PLPP4: variants seen among roughly 807,000 people sequenced by gnomAD.
PLPP4 encodes phospholipid phosphatase 4.
Under a neutral mutation model 32.2 loss-of-function variants are expected in PLPP4, and 20 were observed. The ratio of observed to expected loss-of-function variants is 0.62; its 90% CI spans 0.44 to 0.90. The LOEUF (loss-of-function observed/expected upper bound fraction) is 0.90. Among genes scored for constraint, PLPP4 ranks in the 40% least tolerant of loss-of-function variants. The probability of loss-of-function intolerance (pLI) is 0.00; values close to 1 mark genes in which losing one functional copy is unlikely to be tolerated. For missense variants in PLPP4, 257 were observed against 353.1 expected, an observed-to-expected ratio of 0.73 and a Z score of 2.18; for synonymous variants, 127 against 133.0, an observed-to-expected ratio of 0.95 and a Z score of 0.31.
intron 5 of PLPP4, among the ~76,000 whole-genome samples, chr10:120,538,052 C>CTCTCTCTGTGTG (rs1847142984): frequency 5.3e-5 from 1 of 18,994 alleles, no homozygotes; most frequent in Non-Finnish European, 9.5e-5. Flanking sequence ...CTCTCTCTCT[C>CTCTCTCTGTGTG]TGTGTGTGTG....
rs1014839863 is a variant in PLPP4 at position 120,591,823 on chromosome 10, T to C, written c.*2321T>C. 5.3e-5 allele frequency among the ~76,000 whole-genome samples: 8 copies of C among 152,210 alleles called. No homozygotes were observed. Among genetic ancestry groups the C allele is most frequent in the African/African-American group, 4.8e-5 (2 of 41,454 alleles). ...AGTAACAACAGAGTATTACTAATGC[T>C]GATAATTACATGGAAAATCCTAATA... On this transcript the variant is annotated 3_prime_UTR_variant, in exon 7 of 7. Transcript: ENST00000398250.
At chr10:120,514,966 A>G (rs1279972597) in intron 3 of PLPP4, among the ~76,000 whole-genome samples, 1 of 152,138 alleles carries the variant, frequency 6.6e-6, no homozygotes, top group Non-Finnish European at 1.5e-5. Flanking sequence ...GGAAATGAAA[A>G]TGTAGCAAAA....
In PLPP4 at chr10:120,590,460, G is replaced by A. The variant is rs932420220; in HGVS notation, c.*958G>A. Among the ~76,000 whole-genome samples the A allele has an allele frequency of 1.3e-5, 2 of 152,228 alleles. No individual in the cohort carries two copies. The highest frequency in any genetic ancestry group is 1.3e-4 in the Admixed American group (2 of 15,288). Reference sequence around the variant, plus strand: ...GAGCTCTGCTCTAAGGATTCTCCAAGTGGTGGTGTGTTCCTGTTCCTATCT... The same window carrying A: ...GAGCTCTGCTCTAAGGATTCTCCAAATGGTGGTGTGTTCCTGTTCCTATCT... On this transcript the variant is annotated 3_prime_UTR_variant, in exon 7 of 7. Transcript: ENST00000398250.
chr10:120,494,723 T>A (rs1404419060), intron 1 of PLPP4, among the ~76,000 whole-genome samples: 1 of 152,204 alleles, frequency 6.6e-6, no homozygotes, highest in Non-Finnish European at 1.5e-5. Context: ...CTTTGGATGA[T>A]AGGTACAAGA....
chr10:120,583,449 T>G (rs1355683056), intron 6 of PLPP4, among the ~76,000 whole-genome samples: 1 of 152,096 alleles, frequency 6.6e-6, no homozygotes, highest in East Asian at 1.9e-4. Flanking sequence ...AAAGAACAGC[T>G]TTCTTTATAA....
chr10:120,569,070 C>T (rs531282004), intron 5 of PLPP4, among the ~76,000 whole-genome samples: 29 of 152,218 alleles, frequency 1.9e-4, no homozygotes, highest in Non-Finnish European at 3.2e-4. Flanking sequence ...GAAACCCCAA[C>T]TCTGCCAAAA....
At chr10:120,472,574 A>G (rs1848565280) in intron 1 of PLPP4, among the ~76,000 whole-genome samples, 1 of 151,726 alleles carries the variant, frequency 6.6e-6, no homozygotes, top group Non-Finnish European at 1.5e-5. Flanking sequence ...TCTCATTAGT[A>G]TTTTTCCCAT....
chr10:120,540,036 T>C (rs2133958885), intron 5 of PLPP4, among the ~76,000 whole-genome samples: 1 of 151,170 alleles, frequency 6.6e-6, no homozygotes, highest in East Asian at 1.9e-4. Flanking sequence ...TGCCCTTTAC[T>C]AATATGGTCT....
At chr10:120,560,528 G>A (rs1460607279) in intron 5 of PLPP4, among the ~76,000 whole-genome samples, 2 of 152,176 alleles carry the variant, frequency 1.3e-5, no homozygotes, top group Non-Finnish European at 2.9e-5. Context: ...GCCGAGGCAG[G>A]CACATCACCT....
At chr10:120,513,068 A>T (rs550768151) in intron 2 of PLPP4, among the ~76,000 whole-genome samples, 2 of 152,332 alleles carry the variant, frequency 1.3e-5, no homozygotes, top group African/African-American at 4.8e-5. Flanking sequence ...GCAACAAAAA[A>T]TGCCTTTTAT....
Position 120,457,361 on chromosome 10 carries a change from T to A in PLPP4, c.56T>A (p.Val19Asp), listed in dbSNP as rs1847831749. 2.0e-6 allele frequency: 3 copies of A among 1,531,552 alleles called. No individual in the cohort carries two copies. The highest frequency in any genetic ancestry group is 2.6e-6 in the Non-Finnish European group (3 of 1,137,854). 94.9% of individuals were successfully genotyped at this position (1,531,552 alleles called of 1,614,324 possible). A position where few individuals can be genotyped will look rare whatever the true frequency, so the allele number is the denominator to read the frequency against. Residue 19 changes from valine to aspartate, a missense_variant and splice_region_variant, in exon 1 of 7, where the codon GTT becomes GAT. Coordinates refer to ENST00000398250, the MANE Select transcript of PLPP4 (RefSeq NM_001030059.3). ...CGAGCCCTGCTCTTCGGAGTCTTCGTGTAAGTAGTGGCGCACCGCGGGCAG... is the reference window on the plus strand; with the variant it reads ...CGAGCCCTGCTCTTCGGAGTCTTCGAGTAAGTAGTGGCGCACCGCGGGCAG... ...GVRALLFGVFVFTEFLDPFQR... is the reference protein window; with the variant it reads ...GVRALLFGVFDFTEFLDPFQR...
chr10:120,494,001 G>A (rs1392289853), intron 1 of PLPP4, among the ~76,000 whole-genome samples: 1 of 152,150 alleles, frequency 6.6e-6, no homozygotes, highest in Non-Finnish European at 1.5e-5. Flanking sequence ...CCACGAGCTA[G>A]CAGGAAGCTG....
At chr10:120,539,864 G>A (rs2182513) in intron 5 of PLPP4, among the ~76,000 whole-genome samples, 50,520 of 151,710 alleles carry the variant, frequency 0.33, 8,553 homozygotes, top group Middle Eastern at 0.4. Flanking sequence ...CTATTAGGTT[G>A]GTGCAAAAGT....
At chr10:120,578,887 C>T (rs1453343005) in intron 6 of PLPP4, among the ~76,000 whole-genome samples, 1 of 152,216 alleles carries the variant, frequency 6.6e-6, no homozygotes, top group Non-Finnish European at 1.5e-5. Flanking sequence ...ATGCTAACTA[C>T]AAAGCCCAGT....
At chr10:120,545,763 G>A (rs1309920377) in intron 5 of PLPP4, among the ~76,000 whole-genome samples, 3 of 152,176 alleles carry the variant, frequency 2.0e-5, no homozygotes, top group South Asian at 2.1e-4. Flanking sequence ...CAACTTGATT[G>A]GGTTGAAGGA....
At chr10:120,534,138 A>AG (rs568999772) in intron 5 of PLPP4, among the ~76,000 whole-genome samples, 52 of 152,070 alleles carry the variant, frequency 3.4e-4, no homozygotes, top group African/African-American at 1.2e-3. Flanking sequence ...ATTTTTTGTG[A>AG]GGGGGGTCTG....
intron 1 of PLPP4, among the ~76,000 whole-genome samples, chr10:120,465,354 G>C (rs1848264686): frequency 6.6e-6 from 1 of 152,160 alleles, no homozygotes; most frequent in South Asian, 2.1e-4. Context: ...AGTGAGAGGA[G>C]GCTGAGAGGA....
intron 6 of PLPP4, chr10:120,581,281 G>A: frequency 1.0e-6 from 1 of 985,336 alleles, no homozygotes; most frequent in Non-Finnish European, 1.2e-6. Flanking sequence ...GGTGTTCTGT[G>A]GTTCCTCCTG....
chr10:120,499,206 C>A (rs1018352370), intron 1 of PLPP4, among the ~76,000 whole-genome samples: 1 of 152,226 alleles, frequency 6.6e-6, no homozygotes, highest in African/African-American at 2.4e-5. Context: ...TATACTGACA[C>A]TTGCAAGCTA....
Sources: allele counts gnomAD v4.1 joint callset (sites outside exome capture counted in the v4.1 genomes callset), GRCh38; gene constraint gnomAD v4.1.1; transcripts MANE v1.5; gene names NCBI Gene and HGNC (gene_info 2026-07-23, HGNC 2026-07-21).